The following NLRP3 variants were observed in gnomAD, a reference collection of about 807,000 sequenced individuals.
The protein encoded by NLRP3 is NACHT, LRR and PYD domains-containing protein 3.
NLRP3 carries 48 observed loss-of-function variants against 91.3 expected under a neutral mutation model. That is an observed-to-expected ratio of 0.53 (90% CI 0.42 to 0.67). The LOEUF (loss-of-function observed/expected upper bound fraction) is 0.67, where lower values mean the gene tolerates loss of function less well. Among genes scored for constraint, NLRP3 ranks in the 30% least tolerant of loss-of-function variants. The pLI is 0.00. For missense variants in NLRP3, 982 were observed against 1,276.9 expected, an observed-to-expected ratio of 0.77 and a Z score of 3.52; for synonymous variants, 561 against 507.9, an observed-to-expected ratio of 1.10 and a Z score of -1.41.
At position 247,425,788 on chromosome 1, in the gene NLRP3, A is replaced by T. The variant is rs1662832278; in HGVS notation, c.2150+189A>T. The T allele has an allele frequency of 1.6e-6, 1 of 616,298 alleles. No homozygotes were observed. The highest frequency in any genetic ancestry group is 1.9e-5 in the South Asian group (1 of 51,596). The allele number at this position is 616,298 out of a possible 1,614,324, so 38.2% of individuals were successfully genotyped here. ...GATGTATGGTAGGTGGATAAATGGG[A>T]TGAGGAAAAAAAAAATAAAACAAGG... On this transcript the variant is annotated intron_variant, in intron 4 of 9. Transcript: ENST00000336119. The surrounding 1 kb of genome is among the most constrained non-coding windows in gnomAD (Gnocchi z 4.1).
chr1:247,429,374 T>C (rs906979618), intron 4 of NLRP3, among the ~76,000 whole-genome samples: 2 of 152,190 alleles, frequency 1.3e-5, no homozygotes, highest in African/African-American at 4.8e-5. Flanking sequence ...CACAGGCTCA[T>C]GCTCTCCGTC....
chr1:247,434,818 G>A (rs2103167216), intron 6 of NLRP3, among the ~76,000 whole-genome samples: 1 of 152,320 alleles, frequency 6.6e-6, no homozygotes, highest in South Asian at 2.1e-4. Context: ...GCGGAGAAAT[G>A]GAAGCCATTG....
Position 247,429,627 on chromosome 1 carries a change from CTT to C in NLRP3, c.2196_2197del (p.Val734SerfsTer9). 1 of 1,614,230 alleles carries C rather than the reference CTT, an allele frequency of 6.2e-7. No homozygotes were observed. Among genetic ancestry groups the C allele is most frequent in the Non-Finnish European group, 8.5e-7 (1 of 1,180,036 alleles). ...HLTSSFCRGLFSVLSTSQSLT... is the reference protein window; with the variant it reads ...HLTSSFCRGLXSVLSTSQSLT... ...TCACTTCCAGTTTTTGCCGGGGCCT[CTT>C]TTCAGTTCTGAGCACCAGCCAGAGT... is the stretch of plus-strand genomic sequence containing the variant. On this transcript the variant is annotated frameshift_variant, in exon 5 of 10. Coordinates refer to ENST00000336119, the MANE Select transcript of NLRP3 (RefSeq NM_001243133.2). LOFTEE classifies it high-confidence loss of function.
rs1489705328 is a variant in NLRP3 at position 247,418,540 on chromosome 1, G to T, written c.-261G>T. 2.1e-5 allele frequency: 10 copies of T among 468,854 alleles called. No individual in the cohort carries two copies. The highest frequency in any genetic ancestry group is 8.3e-5 in the South Asian group (4 of 48,332). The allele number at this position is 468,854 out of a possible 1,614,324, so 29.0% of individuals were successfully genotyped here. On this transcript the variant is annotated 5_prime_UTR_variant, in exon 2 of 10. Coordinates refer to ENST00000336119, the MANE Select transcript of NLRP3 (RefSeq NM_001243133.2). ...TGGTCTTGAATTCCTCAGCTCAGGT[G>T]ATCTGCCTGCCTTGGCCTCTCAAAG...
At chr1:247,441,408 T>C (rs1664234384) in intron 7 of NLRP3, among the ~76,000 whole-genome samples, 3 of 151,938 alleles carry the variant, frequency 2.0e-5, no homozygotes. Flanking sequence ...GCCTGGGTAA[T>C]GTTTAAAATG....
chr1:247,438,943 A>C (rs1664000675), intron 7 of NLRP3, among the ~76,000 whole-genome samples: 1 of 152,096 alleles, frequency 6.6e-6, no homozygotes, highest in Non-Finnish European at 1.5e-5. Context: ...TTAATACAAT[A>C]GATTGTTATA....
At position 247,418,741 on chromosome 1, in the gene NLRP3, C is replaced by A; in HGVS notation, c.-60C>A. The A allele has an allele frequency of 6.2e-7, 1 of 1,605,954 alleles. No homozygotes were observed. Among genetic ancestry groups the A allele is most frequent in the Non-Finnish European group, 8.5e-7 (1 of 1,174,384 alleles). On this transcript the variant is annotated 5_prime_UTR_variant, in exon 2 of 10. In the 5' UTR this introduces an upstream ATG that the reference lacks. Coordinates refer to ENST00000336119, the MANE Select transcript of NLRP3 (RefSeq NM_001243133.2). ...AAGACTCATCCGTGTGCCGTGTTCA[C>A]TGCCTGGTATCTTAGTGTGGACCGA... is the stretch of plus-strand genomic sequence containing the variant.
At chr1:247,438,725 C>T (rs546883460) in intron 7 of NLRP3, among the ~76,000 whole-genome samples, 1 of 152,294 alleles carries the variant, frequency 6.6e-6, no homozygotes, top group South Asian at 2.1e-4. Context: ...TATTTCTAAA[C>T]TCCCTGAGAA....
intron 9 of NLRP3, among the ~76,000 whole-genome samples, chr1:247,446,846 AG>A (rs764852386): frequency 1.5e-4 from 23 of 152,242 alleles, no homozygotes; most frequent in Admixed American, 1.3e-4. Flanking sequence ...GTTGGAATGC[AG>A]GTTTGAATAA....
rs1662719789 is a variant in NLRP3 at position 247,424,530 on chromosome 1, G to A, written c.1081G>A (p.Asp361Asn). The A allele has an allele frequency of 6.2e-7, 1 of 1,614,168 alleles. No homozygotes were observed. The highest frequency in any genetic ancestry group is 2.2e-5 in the East Asian group (1 of 44,880). The change falls in exon 4 of 10, where the codon GAC (aspartate) becomes AAC (asparagine). Residue 361 changes from aspartate to asparagine, a missense_variant. This residue lies in a region of NLRP3 where 548 missense variants were observed against 713.7 expected (regional missense o/e 0.77). Transcript: ENST00000336119. The surrounding 1 kb of genome is among the most constrained non-coding windows in gnomAD (Gnocchi z 8.1). ...CCTGGAGAAACTGCAGCACTTGCTG[G>A]ACCATCCTCGGCATGTGGAGATCCT... ...VALEKLQHLL[D>N]HPRHVEILGF...
At chr1:247,434,408 T>C (rs2103164851) in intron 6 of NLRP3, 135 bp downstream of exon 6, 2 of 888,764 alleles carry the variant, frequency 2.3e-6, no homozygotes, top group Non-Finnish European at 3.7e-6. Context: ...GTGCTTGTCT[T>C]GGGGTGTCTA....
At chr1:247,440,832 C>T (rs922991410) in intron 7 of NLRP3, among the ~76,000 whole-genome samples, 3 of 152,164 alleles carry the variant, frequency 2.0e-5, no homozygotes, top group African/African-American at 7.2e-5. Context: ...ATTCTTGCTA[C>T]TCTTTTCCTT....
At chr1:247,441,990 G>T (rs1434428019) in intron 7 of NLRP3, among the ~76,000 whole-genome samples, 1 of 152,184 alleles carries the variant, frequency 6.6e-6, no homozygotes, top group East Asian at 1.9e-4. Flanking sequence ...CATTCTACTA[G>T]AATGTCCCTG....
In NLRP3 at chr1:247,424,568, G is replaced by A. The variant is rs138613962; in HGVS notation, c.1119G>A (p.Glu373=). The change falls in exon 4 of 10, where the codon GAG becomes GAA. Residue 373 remains glutamate, a synonymous_variant. Transcript: ENST00000336119. The surrounding 1 kb of genome is among the most constrained non-coding windows in gnomAD (Gnocchi z 8.1). The part of the protein sequence containing the change: ...PRHVEILGFS[E]AKRKEYFFKY... ...ATGTGGAGATCCTGGGTTTCTCCGA[G>A]GCCAAAAGGAAAGAGTACTTCTTCA... The A allele has an allele frequency of 3.3e-4, 526 of 1,614,176 alleles. No individual in the cohort carries two copies. Among genetic ancestry groups the A allele is most frequent in the African/African-American group, 3.2e-3 (243 of 75,040 alleles).
At chr1:247,431,808 T>C (rs1663353536) in intron 5 of NLRP3, among the ~76,000 whole-genome samples, 1 of 152,232 alleles carries the variant, frequency 6.6e-6, no homozygotes, top group Non-Finnish European at 1.5e-5. Flanking sequence ...TTTTACTTTA[T>C]GTATTTATTT....
intron 7 of NLRP3, 113 bp from the exon 8 acceptor site, chr1:247,443,859 C>A: frequency 9.9e-7 from 1 of 1,011,390 alleles, no homozygotes; most frequent in Non-Finnish European, 1.5e-6. Context: ...GGCTCCTGCT[C>A]TCTGAGCTGA....
rs1662220109 is a variant in NLRP3 at position 247,418,658 on chromosome 1, T to C, written c.-143T>C. ...CTTGTTACAGTCATGTGACATTTTT[T>C]TCTTTCTGTTTGCTGAGTTTTTGAT... On this transcript the variant is annotated 5_prime_UTR_variant, in exon 2 of 10. Coordinates refer to ENST00000336119, the MANE Select transcript of NLRP3 (RefSeq NM_001243133.2). The C allele has an allele frequency of 9.6e-7, 1 of 1,045,796 alleles. No homozygotes were observed. The highest frequency in any genetic ancestry group is 2.6e-5 in the East Asian group (1 of 39,112). The allele number at this position is 1,045,796 out of a possible 1,614,324, so 64.8% of individuals were successfully genotyped here. A position where few individuals can be genotyped will look rare whatever the true frequency, so the allele number is the denominator to read the frequency against.
chr1:247,428,756 G>A (rs1663091366), intron 4 of NLRP3, among the ~76,000 whole-genome samples: 1 of 152,104 alleles, frequency 6.6e-6, no homozygotes, highest in African/African-American at 2.4e-5. Flanking sequence ...GGAGTTTGAG[G>A]CTGCAGTGAG....
chr1:247,425,547 G>C lies in NLRP3; in HGVS notation c.2098G>C (p.Asp700His). The C allele has an allele frequency of 6.2e-7, 1 of 1,612,678 alleles. No individual in the cohort carries two copies. The highest frequency in any genetic ancestry group is 8.5e-7 in the Non-Finnish European group (1 of 1,180,022). ...GGAGGAAAAGGAAGGCCGACACCTTGATATGGTGCAGTGTGTCCTCCCAAG... is the reference window on the plus strand; with the variant it reads ...GGAGGAAAAGGAAGGCCGACACCTTCATATGGTGCAGTGTGTCCTCCCAAG... ...EEEEKEGRHLDMVQCVLPSSS... is the reference protein window; with the variant it reads ...EEEEKEGRHLHMVQCVLPSSS... The change falls in exon 4 of 10, where the codon GAT (aspartate) becomes CAT (histidine). Residue 700 changes from aspartate (D) to histidine (H), a missense_variant. By Grantham distance (81) the Asp-to-His change is moderately conservative (BLOSUM62 -1). Transcript: ENST00000336119. The surrounding 1 kb of genome is among the most constrained non-coding windows in gnomAD (Gnocchi z 4.1).
Sources: gnomAD v4.1 joint callset for allele counts (sites outside exome capture counted in the v4.1 genomes callset) on GRCh38, gnomAD v4.1.1 for gene constraint, gnomAD v4.1.1 regional missense constraint, Gnocchi (gnomAD v3.1) non-coding constraint, MANE v1.5 for transcripts, NCBI Gene and HGNC (gene_info 2026-07-23, HGNC 2026-07-21) for gene names.